BLOC1S6: variants seen among roughly 807,000 people sequenced by gnomAD.
BLOC1S6 encodes biogenesis of lysosomal organelles complex 1 subunit 6.
Under a neutral mutation model 24.7 loss-of-function variants are expected in BLOC1S6, and 24 were observed. The ratio of observed to expected loss-of-function variants is 0.97; its 90% confidence interval spans 0.70 to 1.37. The LOEUF is 1.37. Ranked by LOEUF, BLOC1S6 falls within the 40% of genes most tolerant of loss-of-function variation. BLOC1S6 has a pLI of 0.00. For synonymous variants in BLOC1S6, 76 were observed against 72.6 expected (o/e 1.05, Z -0.23); for missense variants, 175 against 196.2 (o/e 0.89, Z 0.64).
At chr15:45,588,981 A>T (rs1040066982) in intron 1 of BLOC1S6, among the ~76,000 whole-genome samples, 5 of 152,212 alleles carry the variant, frequency 3.3e-5, no homozygotes, top group Non-Finnish European at 7.3e-5. Context: ...ATGTCTGTTT[A>T]AAAAATGCAT....
At chr15:45,595,091 T>C (rs1894021723) in intron 2 of BLOC1S6, among the ~76,000 whole-genome samples, 1 of 152,100 alleles carries the variant, frequency 6.6e-6, no homozygotes, top group Non-Finnish European at 1.5e-5. Flanking sequence ...CATCAGTGTG[T>C]TCAGCAGCTT....
intron 3 of BLOC1S6, among the ~76,000 whole-genome samples, chr15:45,604,530 C>G (rs895451846): frequency 9.9e-5 from 15 of 152,228 alleles, no homozygotes; most frequent in Non-Finnish European, 2.1e-4. Context: ...AATACTGTTG[C>G]TTTAGTCTGA....
intron 2 of BLOC1S6, chr15:45,602,316 T>C (rs914876734): frequency 2.1e-5 from 14 of 664,482 alleles, no homozygotes; most frequent in Non-Finnish European, 3.5e-5. Flanking sequence ...ATTCTCTAGA[T>C]AGCACAGTTT....
intron 3 of BLOC1S6, among the ~76,000 whole-genome samples, chr15:45,605,221 T>G (rs1192057109): frequency 2.6e-5 from 4 of 152,252 alleles, no homozygotes; most frequent in Non-Finnish European, 5.9e-5. Context: ...GTAACACTTT[T>G]GTCAATCTGA....
intron 2 of BLOC1S6, 146 bp downstream of exon 2, chr15:45,592,422 A>G: frequency 2.0e-6 from 2 of 1,009,356 alleles, no homozygotes; most frequent in Non-Finnish European, 1.5e-6. Flanking sequence ...AGCAGATGGG[A>G]ATAGAGGAGT....
intron 2 of BLOC1S6, chr15:45,601,237 AGCTGCAGTTGACTGTACGT>A (rs1356736497): frequency 6.5e-6 from 1 of 154,426 alleles, no homozygotes; most frequent in Non-Finnish European, 1.5e-5. Flanking sequence ...GATATAGCAC[AGCTGCAGTTGACTGTACGT>A]GCCTAAAACT....
rs1484305914 is a variant in BLOC1S6, at chr15:45,607,181, A to T, written c.*667A>T. The stretch of plus-strand genomic sequence containing the variant: ...CATGGTGGCTTATGGAAAAGAGGTG[A>T]GCCTTTGTGAAGAACATAATGGAAA... On this transcript the variant is annotated 3_prime_UTR_variant, in exon 5 of 5. Coordinates refer to ENST00000220531, the MANE Select transcript of BLOC1S6 (RefSeq NM_012388.4). The T allele has an allele frequency of 2.0e-5, 3 of 152,430 alleles. No individual in the cohort carries two copies. The highest frequency in any genetic ancestry group is 4.4e-5 in the Non-Finnish European group (3 of 68,228). 9.4% of individuals were successfully genotyped at this position (152,430 alleles called of 1,614,324 possible).
intron 4 of BLOC1S6, 114 bp downstream of exon 4, chr15:45,605,628 C>T (rs1326801276): frequency 5.6e-5 from 48 of 857,122 alleles, no homozygotes; most frequent in Non-Finnish European, 7.4e-5. Context: ...TTGCTCTTGC[C>T]GCCCAGGCTG....
In BLOC1S6 at chr15:45,603,094, T is replaced by C; in HGVS notation, c.225-6T>C. The C allele has an allele frequency of 6.2e-7, 1 of 1,601,616 alleles. No individual in the cohort carries two copies. The highest frequency in any genetic ancestry group is 2.2e-5 in the East Asian group (1 of 44,682). ...AGTTTGTCTTGGCTGTGTGTTTTTG[T>C]TTCAGACAGAACCAAGTTGTATTGT... On this transcript the variant is annotated splice_region_variant and splice_polypyrimidine_tract_variant and intron_variant, in intron 2 of 4. Transcript: ENST00000220531.
chr15:45,587,466 C>T lies in BLOC1S6; in HGVS notation c.23C>T (p.Ser8Phe), dbSNP rs986197023. Residue 8 changes from serine (S) to phenylalanine (F), a missense_variant, in exon 1 of 5, where the codon TCT becomes TTT. Physicochemically the swap from Ser to Phe is radical, Grantham distance 155 (BLOSUM62 -2). Transcript: ENST00000220531. ...GACATGAGTGTCCCTGGGCCGTCGTCTCCGGACGGGGCCCTGACACGGCCA... is the reference window on the plus strand; with the variant it reads ...GACATGAGTGTCCCTGGGCCGTCGTTTCCGGACGGGGCCCTGACACGGCCA... Reference protein sequence around the residue: MSVPGPSSPDGALTRPPY... With the variant: MSVPGPSFPDGALTRPPY... The T allele has an allele frequency of 1.9e-6, 3 of 1,581,904 alleles. No individual in the cohort carries two copies. Among genetic ancestry groups the T allele is most frequent in the East Asian group, 4.7e-5 (2 of 43,004 alleles).
chr15:45,593,395 A>G (rs1893955339), intron 2 of BLOC1S6, among the ~76,000 whole-genome samples: 1 of 151,492 alleles, frequency 6.6e-6, no homozygotes, highest in South Asian at 2.1e-4. Flanking sequence ...CGAAAAAAAA[A>G]AAAAAAAAAA....
chr15:45,605,674 C>T (rs887116974), intron 4 of BLOC1S6, 160 bp downstream of exon 4: 10 of 574,618 alleles, frequency 1.7e-5, no homozygotes, highest in Admixed American at 3.0e-5. Flanking sequence ...ACTGCAACCT[C>T]TGCCTCCGGG....
At chr15:45,601,411 A>C (rs1894265596) in intron 2 of BLOC1S6, 1 of 154,306 alleles carries the variant, frequency 6.5e-6, no homozygotes, top group Non-Finnish European at 1.5e-5. Flanking sequence ...TTGGAAGGTT[A>C]TTACTTACTG....
upstream of BLOC1S6, chr15:45,587,257 G>A (rs1317305141): frequency 1.5e-6 from 1 of 646,128 alleles, no homozygotes; most frequent in Non-Finnish European, 2.8e-6. Context: ...TCAGCGCGGG[G>A]TCCCCACAAC....
At chr15:45,604,888 A>G (rs1487559059) in intron 3 of BLOC1S6, among the ~76,000 whole-genome samples, 1 of 152,224 alleles carries the variant, frequency 6.6e-6, no homozygotes, top group Non-Finnish European at 1.5e-5. Context: ...AGACTCCTCA[A>G]GAAGGAAAGT....
intron 2 of BLOC1S6, among the ~76,000 whole-genome samples, chr15:45,601,799 C>A (rs1894279420): frequency 6.6e-6 from 1 of 152,000 alleles, no homozygotes; most frequent in Admixed American, 6.6e-5. Flanking sequence ...GGTTGACTTG[C>A]TGGGTTTTCC....
chr15:45,600,358 G>T (rs1041844720), intron 2 of BLOC1S6, among the ~76,000 whole-genome samples: 3 of 152,114 alleles, frequency 2.0e-5, no homozygotes, highest in Non-Finnish European at 2.9e-5. Flanking sequence ...ATGTTGAATA[G>T]GAGTTGTGAG....
At chr15:45,594,340 C>A (rs537449873) in intron 2 of BLOC1S6, among the ~76,000 whole-genome samples, 3 of 152,170 alleles carry the variant, frequency 2.0e-5, no homozygotes, top group Non-Finnish European at 4.4e-5. Context: ...ACTAAAAAAA[C>A]AAGGTTCTGG....
chr15:45,609,597 G>T lies in BLOC1S6; in HGVS notation c.*3083G>T, dbSNP rs1350705432. 2 of 151,952 alleles carry T rather than the reference G, an allele frequency of 1.3e-5. No individual in the cohort carries two copies. The highest frequency in any genetic ancestry group is 4.8e-5 in the African/African-American group (2 of 41,366). The allele number at this position is 151,952 out of a possible 1,614,324, so 9.4% of individuals were successfully genotyped here. ...TAGATTGTGTCCTCATTGAGTTTTT[G>T]GGTGATACAGTTTATAAATATAACA... On this transcript the variant is annotated 3_prime_UTR_variant, in exon 5 of 5. Transcript: ENST00000220531.
Sources: gnomAD v4.1 joint callset for allele counts (sites outside exome capture counted in the v4.1 genomes callset) on GRCh38, gnomAD v4.1.1 for gene constraint, MANE v1.5 for transcripts, NCBI Gene and HGNC (gene_info 2026-07-23, HGNC 2026-07-21) for gene names.